MCTP1: variants seen among roughly 807,000 people sequenced by gnomAD.
MCTP1 encodes multiple C2 and transmembrane domain-containing protein 1.
In MCTP1, 69 loss-of-function variants were observed where a neutral mutation model predicts 120.6. The ratio of observed to expected loss-of-function variants is 0.57; its 90% confidence interval spans 0.47 to 0.70. The LOEUF (loss-of-function observed/expected upper bound fraction) is 0.70. MCTP1 is among the 30% of genes least tolerant of loss of function. The pLI is 0.00. For synonymous variants in MCTP1, 529 were observed against 493.1 expected, an observed-to-expected ratio of 1.07 and a Z score of -0.96; for missense variants, 1,203 against 1,248.8, an observed-to-expected ratio of 0.96 and a Z score of 0.55.
At chr5:95,219,545 G>T (rs900878404) in intron 1 of MCTP1, among the ~76,000 whole-genome samples, 1 of 151,958 alleles carries the variant, frequency 6.6e-6, no homozygotes, top group Non-Finnish European at 1.5e-5. Context: ...CATTCTAATC[G>T]CCCTGGACTC....
chr5:95,207,468 C>T (rs761706603), intron 1 of MCTP1, among the ~76,000 whole-genome samples: 1 of 152,154 alleles, frequency 6.6e-6, no homozygotes, highest in South Asian at 2.1e-4. Flanking sequence ...GCATACTCTT[C>T]AAAATGCTTT....
chr5:95,221,672 G>A (rs1282338253), intron 1 of MCTP1, among the ~76,000 whole-genome samples: 3 of 152,216 alleles, frequency 2.0e-5, no homozygotes, highest in Non-Finnish European at 4.4e-5. Context: ...CAAAACGTAT[G>A]TATTCTCTCT....
rs972292230 is a variant in MCTP1 at position 94,799,049 on chromosome 5, C to G, written c.2520G>C (p.Leu840Phe). Reference sequence around the variant, plus strand: ...GCCTGTTATCTTTCCCTGATATTATCAAGAAGTAGTTCCATGTCAATAGTA... The same window carrying G: ...GCCTGTTATCTTTCCCTGATATTATGAAGAAGTAGTTCCATGTCAATAGTA... ...LLLLLTWNYF[L>F]IISGKDNRQR... Residue 840 changes from leucine (L) to phenylalanine (F), a missense_variant, in exon 18 of 23, where the codon TTG becomes TTC. By Grantham distance (22) the Leu-to-Phe change is conservative. This residue lies in a region of MCTP1 where 740 missense variants were observed against 871.1 expected (regional missense o/e 0.85). Coordinates refer to ENST00000515393, the MANE Select transcript of MCTP1 (RefSeq NM_024717.7). The G allele has an allele frequency of 6.2e-7, 1 of 1,611,836 alleles. No homozygotes were observed. Among genetic ancestry groups the G allele is most frequent in the African/African-American group, 1.3e-5 (1 of 74,794 alleles).
chr5:94,920,272 G>GT (rs5869657), intron 7 of MCTP1, among the ~76,000 whole-genome samples: 1,734 of 128,162 alleles, frequency 0.014, 22 homozygotes, highest in African/African-American at 0.031. Flanking sequence ...ACAGAGACCT[G>GT]TTTTTTTTTT....
intron 19 of MCTP1, among the ~76,000 whole-genome samples, chr5:94,778,462 C>T (rs557563079): frequency 6.6e-6 from 1 of 152,058 alleles, no homozygotes. Context: ...CTCCAGTTGT[C>T]CCCCCTCCCT....
At chr5:94,799,841 G>A (rs1442510256) in intron 17 of MCTP1, among the ~76,000 whole-genome samples, 1 of 152,060 alleles carries the variant, frequency 6.6e-6, no homozygotes, top group Non-Finnish European at 1.5e-5. Flanking sequence ...ACTCAGGGTG[G>A]TAGATGGAGT....
chr5:94,798,502 C>G (rs953688309), intron 18 of MCTP1, among the ~76,000 whole-genome samples: 4 of 152,236 alleles, frequency 2.6e-5, no homozygotes, highest in Admixed American at 1.3e-4. Context: ...ACCCCTGACA[C>G]AGAGAAGGAT....
chr5:94,774,314 A>G (rs1233436178), intron 19 of MCTP1, among the ~76,000 whole-genome samples: 1 of 148,032 alleles, frequency 6.8e-6, no homozygotes, highest in African/African-American at 2.5e-5. Context: ...AAAAGAGATT[A>G]TCTTTGATGG....
At chr5:95,024,177 C>G (rs922799046) in intron 1 of MCTP1, 6 of 383,154 alleles carry the variant, frequency 1.6e-5, no homozygotes, top group Middle Eastern at 8.3e-4. Context: ...ACTTCCAAGA[C>G]CAATGTCACA....
At chr5:95,087,548 C>T (rs753226021) in intron 1 of MCTP1, among the ~76,000 whole-genome samples, 1 of 152,150 alleles carries the variant, frequency 6.6e-6, no homozygotes, top group African/African-American at 2.4e-5. Flanking sequence ...GGCTACAGCT[C>T]TGGGTTGTTA....
intron 3 of MCTP1, among the ~76,000 whole-genome samples, chr5:94,947,131 A>G (rs921602641): frequency 2.0e-5 from 3 of 152,028 alleles, no homozygotes; most frequent in Admixed American, 2.0e-4. Context: ...CTGTCTACAA[A>G]CTGAAAATAG....
chr5:94,764,999 G>A (rs1233538021), intron 19 of MCTP1, among the ~76,000 whole-genome samples: 8 of 152,072 alleles, frequency 5.3e-5, no homozygotes, highest in East Asian at 1.9e-4. Flanking sequence ...ATTAGGCCAC[G>A]AAACAACTCT....
At position 94,981,270 on chromosome 5, in the gene MCTP1, C is replaced by T. The variant is rs530703187; in HGVS notation, c.839-27909G>A. Among the ~76,000 whole-genome samples the T allele has an allele frequency of 1.4e-4, 22 of 152,202 alleles. 1 individual carries two copies. Among genetic ancestry groups the T allele is most frequent in the Admixed American group, 6.5e-4 (10 of 15,274 alleles). On this transcript the variant is annotated intron_variant, in intron 2 of 22. Coordinates refer to ENST00000515393, the MANE Select transcript of MCTP1 (RefSeq NM_024717.7). ...GAACCAATCTAAGTTATACACTTCC[C>T]AAGGGACACACTCTTTTTATGCCTT...
chr5:95,248,824 T>C (rs1289451626), intron 1 of MCTP1, among the ~76,000 whole-genome samples: 1 of 152,072 alleles, frequency 6.6e-6, no homozygotes, highest in Non-Finnish European at 1.5e-5. Context: ...AACAGATATA[T>C]AGACCAATGG....
chr5:94,905,833 T>A (rs1381016310), intron 10 of MCTP1, among the ~76,000 whole-genome samples: 2 of 152,038 alleles, frequency 1.3e-5, no homozygotes, highest in Non-Finnish European at 2.9e-5. Context: ...CTCTTGTGAA[T>A]CAATGAAGTC....
chr5:95,265,948 G>C (rs1220271500), intron 1 of MCTP1, among the ~76,000 whole-genome samples: 1 of 152,094 alleles, frequency 6.6e-6, no homozygotes, highest in African/African-American at 2.4e-5. Context: ...CTTCTGAAAG[G>C]CCCAGACCCA....
At chr5:95,172,590 A>ATTTT (rs61349080) in intron 1 of MCTP1, among the ~76,000 whole-genome samples, 19 of 150,426 alleles carry the variant, frequency 1.3e-4, no homozygotes, top group Non-Finnish European at 2.8e-4. Context: ...ATATCAAACT[A>ATTTT]TTTTTTTTTT....
At chr5:94,783,099 G>C (rs1374176472) in intron 18 of MCTP1, among the ~76,000 whole-genome samples, 2 of 151,944 alleles carry the variant, frequency 1.3e-5, no homozygotes, top group Admixed American at 1.3e-4. Context: ...ACACAGTCGA[G>C]GAAGGTCTTG....
At chr5:95,095,900 GA>G (rs1412306879) in intron 1 of MCTP1, among the ~76,000 whole-genome samples, 1 of 152,148 alleles carries the variant, frequency 6.6e-6, no homozygotes, top group Non-Finnish European at 1.5e-5. Context: ...GGGAGGCCCA[GA>G]AGGCAGTGAA....
Sources: gnomAD v4.1 joint callset for allele counts (sites outside exome capture counted in the v4.1 genomes callset) on GRCh38, gnomAD v4.1.1 for gene constraint, gnomAD v4.1.1 regional missense constraint, MANE v1.5 for transcripts, NCBI Gene and HGNC (gene_info 2026-07-23, HGNC 2026-07-21) for gene names.